MBP: variants seen among roughly 807,000 people sequenced by gnomAD.
MBP encodes the protein Golli-MBP.
MBP carries 16 observed loss-of-function variants against 35.8 expected under a neutral mutation model. That is an observed-to-expected ratio of 0.45 (90% CI 0.30 to 0.68). The LOEUF (loss-of-function observed/expected upper bound fraction) is 0.68. Ranked by LOEUF, MBP falls within the 30% of genes least tolerant of loss-of-function variation. The pLI, the probability that MBP is intolerant of heterozygous loss-of-function variation, is 0.08. For synonymous variants in MBP, 143 were observed against 159.6 expected, an observed-to-expected ratio of 0.90 and a Z score of 0.78; for missense variants, 380 against 404.7, an observed-to-expected ratio of 0.94 and a Z score of 0.52.
chr18:76,979,830 A>C lies in MBP; in HGVS notation c.*597T>G. 3.1e-6 allele frequency: 2 copies of C among 638,012 alleles called. No individual in the cohort carries two copies. Among genetic ancestry groups the C allele is most frequent in the Non-Finnish European group, 5.6e-6 (2 of 354,800 alleles). 39.5% of individuals were successfully genotyped at this position (638,012 alleles called of 1,614,324 possible). ...GGTGGCCCCCTCTCTGTGCTGCCCC[A>C]CGTTGGACTCTAACAGCTGCCCAGC... On this transcript the variant is annotated 3_prime_UTR_variant, in exon 9 of 9. Transcript: ENST00000355994.
chr18:77,029,997 C>T (rs1422770648), intron 3 of MBP, among the ~76,000 whole-genome samples: 1 of 152,212 alleles, frequency 6.6e-6, no homozygotes, highest in Non-Finnish European at 1.5e-5. Flanking sequence ...GCCCCACTCC[C>T]CAGCCACCAA....
At chr18:77,010,673 G>A (rs570834675) in intron 4 of MBP, among the ~76,000 whole-genome samples, 6 of 152,382 alleles carry the variant, frequency 3.9e-5, no homozygotes, top group African/African-American at 1.4e-4. Flanking sequence ...TTCCTCAGCA[G>A]GAGCAGGAGC....
intron 3 of MBP, among the ~76,000 whole-genome samples, chr18:77,027,342 G>T (rs1392453842): frequency 6.6e-6 from 1 of 152,208 alleles, no homozygotes; most frequent in Admixed American, 6.5e-5. Context: ...GTTGCTTTTT[G>T]ATCTGCTGCA....
At chr18:76,990,477 A>T (rs185988194) in intron 4 of MBP, among the ~76,000 whole-genome samples, 5 of 152,158 alleles carry the variant, frequency 3.3e-5, no homozygotes, top group South Asian at 2.1e-4. Flanking sequence ...CACTCAGGGG[A>T]TGGTGAGGGA....
intron 4 of MBP, among the ~76,000 whole-genome samples, chr18:76,995,935 G>A (rs552539393): frequency 1.8e-4 from 28 of 152,142 alleles, no homozygotes; most frequent in Non-Finnish European, 3.8e-4. Flanking sequence ...TGCAAATTAC[G>A]TATCTGACAA....
rs77084065 is a variant in MBP, at chr18:77,066,550, G to T, written c.52-165C>A. ...CTTGGTTCAGAGGAGGGTTTTCTGCGCAGGATTCGGAATTCTGGCTTGTTT... is the reference window on the plus strand; with the variant it reads ...CTTGGTTCAGAGGAGGGTTTTCTGCTCAGGATTCGGAATTCTGGCTTGTTT... On this transcript the variant is annotated intron_variant, in intron 2 of 8. Coordinates refer to ENST00000355994, the MANE Select transcript of MBP (RefSeq NM_001025101.2). The T allele has an allele frequency of 2.2e-3, 1,666 of 766,132 alleles. 18 individuals carry two copies. In the African/African-American group the frequency reaches 0.025, roughly 11 times the overall value. The allele number at this position is 766,132 out of a possible 1,614,324, so 47.5% of individuals were successfully genotyped here.
Position 76,988,644 on chromosome 18 carries a change from C to T in MBP, c.718-117G>A, listed in dbSNP as rs778516022. On this transcript the variant is annotated intron_variant, in intron 6 of 8. Transcript: ENST00000355994. This position sits in a 1 kb window ranked among gnomAD's most constrained non-coding sequence, Gnocchi z 5.2. ...GCTGAGGTGGTAAAAACAGGTTCCA[C>T]CCGGAGCTCCGAGGGGGGCCGCAGG... 48 of 1,510,512 alleles carry T rather than the reference C, an allele frequency of 3.2e-5. No individual in the cohort carries two copies. The highest frequency in any genetic ancestry group is 4.2e-5 in the Non-Finnish European group (48 of 1,133,916). 93.6% of individuals were successfully genotyped at this position (1,510,512 alleles called of 1,614,324 possible).
intron 7 of MBP, chr18:76,985,557 G>A (rs75819758): frequency 0.019 from 20,727 of 1,104,102 alleles, 239 homozygotes; most frequent in Middle Eastern, 0.032. Context: ...GCCATAGCTC[G>A]GACTGGGAGC....
At chr18:76,982,764 G>C (rs470181) in intron 8 of MBP, 104,033 of 152,140 alleles carry the variant, frequency 0.68, 35,688 homozygotes, top group African/African-American at 0.73. Context: ...TCTATTGGAA[G>C]TGCTCCAAGT....
intron 3 of MBP, among the ~76,000 whole-genome samples, chr18:77,054,460 T>C (rs1477932206): frequency 6.6e-6 from 1 of 151,554 alleles, no homozygotes; most frequent in East Asian, 1.9e-4. Flanking sequence ...GGGGAACAGG[T>C]GGAGGGGATT....
intron 3 of MBP, among the ~76,000 whole-genome samples, chr18:77,028,985 C>G (rs542884447): frequency 9.0e-6 from 1 of 110,630 alleles, no homozygotes; most frequent in Non-Finnish European, 2.3e-5. Context: ...CAGGCAGAGA[C>G]GCTCCTCACT....
At chr18:77,073,466 C>T (rs1277559748) in intron 2 of MBP, among the ~76,000 whole-genome samples, 1 of 152,230 alleles carries the variant, frequency 6.6e-6, no homozygotes, top group Non-Finnish European at 1.5e-5. Flanking sequence ...ACCCAGTTCA[C>T]ACAGGAGCCA....
rs149710040 is a variant in MBP, at chr18:77,075,580, T to G, written c.52-9195A>C. On this transcript the variant is annotated intron_variant, in intron 2 of 8. Transcript: ENST00000355994. ...CATCTGATTTTGATATGCAAGCCCC[T>G]CTTTGACTATAGCAGAGAGAAGAAA... is the stretch of plus-strand genomic sequence containing the variant. Among the ~76,000 whole-genome samples, 416 of 152,302 alleles carry G rather than the reference T, an allele frequency of 2.7e-3. 3 individuals carry two copies. Among genetic ancestry groups the G allele is most frequent in the African/African-American group, 9.5e-3 (393 of 41,556 alleles).
Position 76,989,772 on chromosome 18 carries a change from G to T in MBP, c.681+184C>A. On this transcript the variant is annotated intron_variant, in intron 5 of 8. Transcript: ENST00000355994. This position sits in a 1 kb window ranked among gnomAD's most constrained non-coding sequence, Gnocchi z 4.0. ...CACGGTGCAATCCGTGGCAGATACA[G>T]TCGGGAAGCGCTTGCCTGGAACTCG... The T allele has an allele frequency of 1.7e-6, 1 of 602,070 alleles. No homozygotes were observed. The allele number at this position is 602,070 out of a possible 1,614,324, so 37.3% of individuals were successfully genotyped here.
intron 2 of MBP, among the ~76,000 whole-genome samples, chr18:77,072,586 C>T (rs1229614331): frequency 6.6e-6 from 1 of 152,226 alleles, no homozygotes; most frequent in Non-Finnish European, 1.5e-5. Flanking sequence ...GGAAACTGCT[C>T]TTTGCAGAAG....
chr18:77,067,969 A>C, intron 2 of MBP: 1 of 393,962 alleles, frequency 2.5e-6, no homozygotes, highest in Non-Finnish European at 5.1e-6. Context: ...AGGGCCCTAC[A>C]CTCCGCCTCC....
At chr18:77,008,960 C>G (rs1169563753) in intron 4 of MBP, among the ~76,000 whole-genome samples, 4 of 152,258 alleles carry the variant, frequency 2.6e-5, no homozygotes, top group Non-Finnish European at 5.9e-5. Context: ...AGCTCTCCCT[C>G]AAACTTGGTG....
intron 3 of MBP, among the ~76,000 whole-genome samples, chr18:77,043,251 C>CT (rs1422312441): frequency 2.0e-5 from 3 of 152,046 alleles, no homozygotes; most frequent in African/African-American, 7.2e-5. Context: ...AATCTTTCAC[C>CT]TTTTTTTGCG....
At chr18:76,992,403 T>C (rs1036128559) in intron 4 of MBP, among the ~76,000 whole-genome samples, 3 of 152,172 alleles carry the variant, frequency 2.0e-5, no homozygotes, top group Non-Finnish European at 4.4e-5. Context: ...ACTCGCCCGC[T>C]GCTCACCTCC....
Sources: gnomAD v4.1 joint callset for allele counts (sites outside exome capture counted in the v4.1 genomes callset) on GRCh38, gnomAD v4.1.1 for gene constraint, Gnocchi (gnomAD v3.1) non-coding constraint, MANE v1.5 for transcripts, NCBI Gene and HGNC (gene_info 2026-07-23, HGNC 2026-07-21) for gene names.